The following VWA5B1 variants were observed in gnomAD, a reference collection of about 807,000 sequenced individuals.
The protein encoded by VWA5B1 is von Willebrand factor A domain containing 5B1.
In VWA5B1, 115 loss-of-function variants were observed where a neutral mutation model predicts 118.2. That is an observed-to-expected ratio of 0.97 (90% confidence interval 0.84 to 1.14). VWA5B1 has a LOEUF of 1.14. Among genes scored for constraint, VWA5B1 ranks in the 50% most tolerant of loss-of-function variants. The probability of loss-of-function intolerance (pLI) is 0.00; values close to 1 mark genes in which losing one functional copy is unlikely to be tolerated. For missense variants in VWA5B1, 1,596 were observed against 1,603.8 expected, an observed-to-expected ratio of 1.00 and a Z score of 0.08; for synonymous variants, 682 against 658.4, an observed-to-expected ratio of 1.04 and a Z score of -0.55.
At chr1:20,318,415 A>AT (rs1354984739) in intron 5 of VWA5B1, 175 bp from the exon 6 acceptor site, 2 of 852,832 alleles carry the variant, frequency 2.3e-6, no homozygotes, top group African/African-American at 3.4e-5. Context: ...CTAAGCTTTC[A>AT]TTTTACAGGT....
rs538838004 is a variant in VWA5B1, at chr1:20,310,608, G to A, written c.7G>A (p.Gly3Ser). The stretch of plus-strand genomic sequence containing the variant: ...AGGCTGAGTAGCCAGCGGGATGCCC[G>A]GCTTGCTGAATTGGATCACGGGGGC... MP[G>S]LLNWITGAAL... The change falls in exon 2 of 22, where the codon GGC becomes AGC. Residue 3 changes from glycine (G) to serine (S), a missense_variant. By Grantham distance (56) the Gly-to-Ser change is moderately conservative. Coordinates refer to ENST00000289815, the MANE Select transcript of VWA5B1 (RefSeq NM_001039500.3). 46 of 1,536,754 alleles carry A rather than the reference G, an allele frequency of 3.0e-5. 1 individual carries two copies. Among genetic ancestry groups the A allele is most frequent in the Middle Eastern group, 1.7e-4 (1 of 5,912 alleles).
intron 6 of VWA5B1, 123 bp downstream of exon 6, chr1:20,318,844 G>T (rs564673570): frequency 1.4e-6 from 2 of 1,380,868 alleles, no homozygotes; most frequent in East Asian, 5.3e-5. Context: ...GTCGGGGTGG[G>T]GGGTGTGGCC....
At chr1:20,338,548 A>C (rs1261267465) in intron 14 of VWA5B1, 1 of 154,712 alleles carries the variant, frequency 6.5e-6, no homozygotes, top group Non-Finnish European at 1.4e-5. Context: ...TTTATTTTTG[A>C]GATGGAGTTT....
At chr1:20,306,507 G>C (rs1305616696) in intron 1 of VWA5B1, among the ~76,000 whole-genome samples, 1 of 152,184 alleles carries the variant, frequency 6.6e-6, no homozygotes, top group Non-Finnish European at 1.5e-5. Context: ...ATGAACTTCT[G>C]TCTTTATTTA....
At chr1:20,312,132 C>A (rs957896225) in intron 2 of VWA5B1, among the ~76,000 whole-genome samples, 4 of 152,156 alleles carry the variant, frequency 2.6e-5, no homozygotes, top group African/African-American at 9.7e-5. Flanking sequence ...TAAATGTGAT[C>A]CCCAGCCGCC....
intron 1 of VWA5B1, among the ~76,000 whole-genome samples, chr1:20,309,016 C>T (rs1023833152): frequency 3.3e-5 from 5 of 152,314 alleles, no homozygotes; most frequent in Admixed American, 2.6e-4. Context: ...TTTGACTTTG[C>T]TTCCCATTCC....
chr1:20,332,479 C>T (rs867126741), intron 11 of VWA5B1, among the ~76,000 whole-genome samples: 7 of 88,752 alleles, frequency 7.9e-5, no homozygotes, highest in Admixed American at 1.3e-4. Context: ...GACTCTGTCT[C>T]AAAATAAAAT....
At chr1:20,295,888 G>A (rs2088397411) in intron 1 of VWA5B1, among the ~76,000 whole-genome samples, 1 of 152,156 alleles carries the variant, frequency 6.6e-6, no homozygotes, top group Non-Finnish European at 1.5e-5. Flanking sequence ...GTTTGATGGA[G>A]TTTTGTTCTT....
At chr1:20,311,878 A>T (rs1186962473) in intron 2 of VWA5B1, among the ~76,000 whole-genome samples, 1 of 152,160 alleles carries the variant, frequency 6.6e-6, no homozygotes, top group Middle Eastern at 3.2e-3. Context: ...TCCTCTGTTC[A>T]AGGAAACCTA....
intron 15 of VWA5B1, 32 bp downstream of exon 15, chr1:20,342,641 G>A (rs2089906950): frequency 6.9e-7 from 1 of 1,443,596 alleles, no homozygotes; most frequent in Non-Finnish European, 9.1e-7. Context: ...GACCCAACTG[G>A]GGACAGGGAG....
intron 1 of VWA5B1, among the ~76,000 whole-genome samples, chr1:20,293,011 A>G (rs1390047229): frequency 6.6e-6 from 1 of 152,208 alleles, no homozygotes; most frequent in Non-Finnish European, 1.5e-5. Context: ...CCAGCCCCAG[A>G]TCTGGGCCAG....
At chr1:20,313,047 G>A (rs1302461793) in intron 3 of VWA5B1, 59 bp downstream of exon 3, 1 of 1,529,814 alleles carries the variant, frequency 6.5e-7, no homozygotes, top group Non-Finnish European at 8.8e-7. Context: ...AGGCTGCCTG[G>A]GCTGGAGCCT....
rs1390991925 is a variant in VWA5B1, at chr1:20,342,537, T to G, written c.2239T>G (p.Trp747Gly). The G allele has an allele frequency of 3.2e-6, 5 of 1,546,700 alleles. No individual in the cohort carries two copies. Among genetic ancestry groups the G allele is most frequent in the Non-Finnish European group, 3.5e-6 (4 of 1,145,220 alleles). ...LPQGCQPFLPWGQETQAWSPV... is the reference protein window; with the variant it reads ...LPQGCQPFLPGGQETQAWSPV... ...CCAAGGCTGCCAGCCCTTCCTGCCC[T>G]GGGGCCAGGAGACCCAGGCCTGGAG... The change falls in exon 15 of 22, where the codon TGG becomes GGG. Residue 747 changes from tryptophan to glycine, a missense_variant. By Grantham distance (184) the Trp-to-Gly change is radical. Coordinates refer to ENST00000289815, the MANE Select transcript of VWA5B1 (RefSeq NM_001039500.3).
chr1:20,354,815 C>CG lies in VWA5B1; in HGVS notation c.*552_*553insG, dbSNP rs397819103. 1 of 152,816 alleles carries CG rather than the reference C, an allele frequency of 6.5e-6. No homozygotes were observed. Among genetic ancestry groups the CG allele is most frequent in the Admixed American group, 6.5e-5 (1 of 15,320 alleles). The allele number at this position is 152,816 out of a possible 1,614,324, so 9.5% of individuals were successfully genotyped here. Reference sequence around the variant, plus strand: ...TCCATGGTAACAGCCAAGGACCCCCCCTAAATCCCACTTAAAAGCCAATTG... The same window carrying CG: ...TCCATGGTAACAGCCAAGGACCCCCCGCTAAATCCCACTTAAAAGCCAATTG... On this transcript the variant is annotated 3_prime_UTR_variant, in exon 22 of 22. Transcript: ENST00000289815.
At chr1:20,324,343 C>G (rs970102808) in intron 8 of VWA5B1, among the ~76,000 whole-genome samples, 4 of 152,176 alleles carry the variant, frequency 2.6e-5, no homozygotes, top group East Asian at 1.9e-4. Context: ...ATCCTCCCCC[C>G]TCACAATCCA....
intron 8 of VWA5B1, among the ~76,000 whole-genome samples, chr1:20,326,371 A>G (rs534972109): frequency 1.3e-5 from 2 of 151,718 alleles, no homozygotes; most frequent in Admixed American, 1.3e-4. Context: ...AATAAACAAG[A>G]TGGGGGACAT....
rs2089011267 is a variant in VWA5B1 at position 20,316,452 on chromosome 1, AAAAAGT to A, written c.564-1075_564-1070del. 4.6e-5 allele frequency among the ~76,000 whole-genome samples: 7 copies of A among 152,334 alleles called. No individual in the cohort carries two copies. In the South Asian group the frequency reaches 1.4e-3, roughly 32 times the overall value. Reference sequence around the variant, plus strand: ...GTTTTAAGACGTAACACGGTGCCAAAAAAAGTAAGAGATCGAGGGAGACTCATAATA... The same window carrying A: ...GTTTTAAGACGTAACACGGTGCCAAAAAGAGATCGAGGGAGACTCATAATA... On this transcript the variant is annotated intron_variant, in intron 4 of 21. Transcript: ENST00000289815.
intron 9 of VWA5B1, among the ~76,000 whole-genome samples, chr1:20,329,146 T>C (rs1023308146): frequency 7.2e-5 from 11 of 152,168 alleles, no homozygotes; most frequent in Non-Finnish European, 1.5e-4. Flanking sequence ...TATTTAGTCA[T>C]CTTTGTATCA....
rs139908954 is a variant in VWA5B1, at chr1:20,296,785, A to G, written c.-27+5697A>G. On this transcript the variant is annotated intron_variant, in intron 1 of 21. Coordinates refer to ENST00000289815, the MANE Select transcript of VWA5B1 (RefSeq NM_001039500.3). Reference sequence around the variant, plus strand: ...ATCTTTTCTTCATTCACCCTTTCCTATGACACGTTGGTCCCTGTTCTAAGT... The same window carrying G: ...ATCTTTTCTTCATTCACCCTTTCCTGTGACACGTTGGTCCCTGTTCTAAGT... 8.7e-4 allele frequency among the ~76,000 whole-genome samples: 133 copies of G among 152,338 alleles called. 1 individual carries two copies. The highest frequency in any genetic ancestry group is 2.0e-3 in the Admixed American group (30 of 15,304).
Sources: allele counts gnomAD v4.1 joint callset (sites outside exome capture counted in the v4.1 genomes callset), GRCh38; gene constraint gnomAD v4.1.1; transcripts MANE v1.5; gene names NCBI Gene and HGNC (gene_info 2026-07-23, HGNC 2026-07-21).